Variants in NDUFAF2 observed in about 807,000 individuals in gnomAD.
NDUFAF2 encodes NADH:ubiquinone oxidoreductase complex assembly factor 2.
Under a neutral mutation model 22.8 loss-of-function variants are expected in NDUFAF2, and 13 were observed. That is an observed-to-expected ratio of 0.57 (90% confidence interval 0.37 to 0.91). The LOEUF (loss-of-function observed/expected upper bound fraction) is 0.91. NDUFAF2 is among the 40% of genes least tolerant of loss of function. The pLI, the probability that NDUFAF2 is intolerant of heterozygous loss-of-function variation, is 0.01. For missense variants in NDUFAF2, 162 were observed against 195.2 expected (o/e 0.83, Z 1.01); for synonymous variants, 53 against 64.2 (o/e 0.83, Z 0.84).
chr5:61,094,629 A>G (rs1182317517), intron 2 of NDUFAF2, among the ~76,000 whole-genome samples: 1 of 152,050 alleles, frequency 6.6e-6, no homozygotes, highest in Admixed American at 6.5e-5. Flanking sequence ...GGACTTATCT[A>G]CCTTTGATCT....
intron 1 of NDUFAF2, among the ~76,000 whole-genome samples, chr5:61,001,057 G>A (rs1263843431): frequency 6.6e-6 from 1 of 151,944 alleles, no homozygotes; most frequent in African/African-American, 2.4e-5. Context: ...ACTCTCTTTG[G>A]GAGTCCAGCC....
intron 1 of NDUFAF2, among the ~76,000 whole-genome samples, chr5:61,068,830 T>A (rs1752260849): frequency 6.6e-6 from 1 of 152,160 alleles, no homozygotes; most frequent in Admixed American, 6.6e-5. Context: ...AATGTCAGTT[T>A]GTAGATGTAA....
chr5:61,012,149 C>T (rs1273118435), intron 1 of NDUFAF2, among the ~76,000 whole-genome samples: 2 of 152,008 alleles, frequency 1.3e-5, no homozygotes, highest in Non-Finnish European at 2.9e-5. Flanking sequence ...TATCTGTCAG[C>T]TCTCACATCT....
intron 2 of NDUFAF2, among the ~76,000 whole-genome samples, chr5:61,096,688 G>A (rs1338974708): frequency 1.3e-5 from 2 of 152,062 alleles, no homozygotes; most frequent in Non-Finnish European, 2.9e-5. Flanking sequence ...TACAGGCTGG[G>A]TGCAGTGGCT....
At chr5:61,068,905 A>T (rs1299318523) in intron 1 of NDUFAF2, among the ~76,000 whole-genome samples, 1 of 152,178 alleles carries the variant, frequency 6.6e-6, no homozygotes, top group African/African-American at 2.4e-5. Context: ...ATCTGGAGTC[A>T]AAAGACCCAT....
chr5:60,994,613 G>A (rs544002476), intron 1 of NDUFAF2, among the ~76,000 whole-genome samples: 2 of 152,264 alleles, frequency 1.3e-5, no homozygotes, highest in Admixed American at 1.3e-4. Flanking sequence ...CTGCTTTTAG[G>A]ATCCTTTCTT....
chr5:61,027,898 A>C (rs1751672340), intron 1 of NDUFAF2, among the ~76,000 whole-genome samples: 1 of 152,002 alleles, frequency 6.6e-6, no homozygotes, highest in South Asian at 2.1e-4. Flanking sequence ...TTCACTCTTG[A>C]ATCAACAGAT....
intron 1 of NDUFAF2, among the ~76,000 whole-genome samples, chr5:60,992,793 T>G (rs1751177750): frequency 6.6e-6 from 1 of 152,208 alleles, no homozygotes; most frequent in Admixed American, 6.5e-5. Flanking sequence ...TCACTAGATA[T>G]GCTATTCAAG....
At chr5:60,971,754 T>A (rs1397994736) in intron 1 of NDUFAF2, among the ~76,000 whole-genome samples, 1 of 152,072 alleles carries the variant, frequency 6.6e-6, no homozygotes, top group Non-Finnish European at 1.5e-5. Context: ...ACAATGATGG[T>A]TTCCAGCTTC....
chr5:61,146,960 C>T (rs1008473327), intron 3 of NDUFAF2, among the ~76,000 whole-genome samples: 2 of 151,966 alleles, frequency 1.3e-5, no homozygotes, highest in Non-Finnish European at 2.9e-5. Flanking sequence ...ATATTTGGTT[C>T]TTTATAACAG....
intron 1 of NDUFAF2, among the ~76,000 whole-genome samples, chr5:60,956,157 T>G (rs1184003149): frequency 5.3e-5 from 8 of 152,088 alleles, no homozygotes; most frequent in Non-Finnish European, 1.2e-4. Flanking sequence ...TGCCTCGGCC[T>G]CCCAAAGTGT....
intron 1 of NDUFAF2, among the ~76,000 whole-genome samples, chr5:60,996,639 C>T (rs1050310262): frequency 6.6e-6 from 1 of 152,168 alleles, no homozygotes; most frequent in East Asian, 1.9e-4. Flanking sequence ...CCTAGACTGC[C>T]TTCAAGCTTA....
chr5:61,032,707 G>A (rs1751744137), intron 1 of NDUFAF2, among the ~76,000 whole-genome samples: 1 of 152,110 alleles, frequency 6.6e-6, no homozygotes, highest in Non-Finnish European at 1.5e-5. Context: ...TGGTTATAAG[G>A]GCTCTTTTTT....
intron 1 of NDUFAF2, among the ~76,000 whole-genome samples, chr5:61,040,286 A>ACACACACATGCGCGCGCGCGCG (rs1491193758): frequency 1.1e-5 from 1 of 93,072 alleles, no homozygotes; most frequent in African/African-American, 4.3e-5. Context: ...ACACACACAC[A>ACACACACATGCGCGCGCGCGCG]CGCGCGCGCG....
chr5:61,045,330 A>ATAAAATAAAATAAAATTTTATTAAATTT (rs1561550167), intron 1 of NDUFAF2, among the ~76,000 whole-genome samples: 1 of 148,504 alleles, frequency 6.7e-6, no homozygotes, highest in Non-Finnish European at 1.5e-5. Flanking sequence ...TTAAATTTTA[A>ATAAAATAAAATAAAATTTTATTAAATTT]TAAAATAAAA....
intron 3 of NDUFAF2, among the ~76,000 whole-genome samples, chr5:61,129,712 A>C (rs1349146786): frequency 6.6e-6 from 1 of 152,134 alleles, no homozygotes; most frequent in Admixed American, 6.6e-5. Flanking sequence ...TAATGGGTGC[A>C]GCACACCAGC....
chr5:61,124,074 T>C (rs1261001799), intron 3 of NDUFAF2, among the ~76,000 whole-genome samples: 2 of 152,138 alleles, frequency 1.3e-5, no homozygotes, highest in African/African-American at 4.8e-5. Context: ...GGAACATTTT[T>C]CTTTAATCAG....
At chr5:61,123,728 T>G (rs1416659882) in intron 3 of NDUFAF2, among the ~76,000 whole-genome samples, 1 of 152,200 alleles carries the variant, frequency 6.6e-6, no homozygotes, top group Non-Finnish European at 1.5e-5. Context: ...AGACCTTCTT[T>G]TCAAACAAGT....
intron 1 of NDUFAF2, among the ~76,000 whole-genome samples, chr5:61,008,063 A>T (rs954100534): frequency 7.3e-5 from 11 of 150,582 alleles, no homozygotes; most frequent in African/African-American, 2.7e-4. Context: ...CAAAAAACCA[A>T]ACACCGCATC....
Sources: allele counts gnomAD v4.1 joint callset (sites outside exome capture counted in the v4.1 genomes callset), GRCh38; gene constraint gnomAD v4.1.1; transcripts MANE v1.5; gene names NCBI Gene and HGNC (gene_info 2026-07-23, HGNC 2026-07-21).